Variants in GSDME observed in about 807,000 individuals in gnomAD.
GSDME encodes the protein gasdermin-E.
A neutral mutation model predicts 47.5 loss-of-function variants in GSDME; 44 were observed. The observed-to-expected ratio is 0.93, with a 90% CI of 0.73 to 1.19. GSDME has a LOEUF of 1.19. Among genes scored for constraint, GSDME ranks in the 50% most tolerant of loss-of-function variants. GSDME has a pLI of 0.00. For synonymous variants in GSDME, 258 were observed against 252.8 expected (o/e 1.02, Z -0.20); for missense variants, 663 against 604.2 (o/e 1.10, Z -1.02).
chr7:24,710,180 A>G, intron 6 of GSDME, 44 bp downstream of exon 6: 1 of 1,603,136 alleles, frequency 6.2e-7, no homozygotes, highest in South Asian at 1.1e-5. Context: ...TACAGGGCTC[A>G]GTTGGCCCTC....
rs1790503023 is a variant in GSDME at position 24,741,857 on chromosome 7, C to T, written c.404+2705G>A. Among the ~76,000 whole-genome samples, 4 of 152,166 alleles carry T rather than the reference C, an allele frequency of 2.6e-5. No homozygotes were observed. The South Asian group carries it at 8.3e-4, about 32-fold the overall frequency. ...AATGTTAGCTTTACTGAGCTCCATG[C>T]CAAGAGCAGAAGTCTTCCCTTCCCG... On this transcript the variant is annotated intron_variant, in intron 3 of 9. Transcript: ENST00000645220.
At chr7:24,761,264 A>G (rs1349955835), upstream of GSDME, among the ~76,000 whole-genome samples, 1 of 152,210 alleles carries the variant, frequency 6.6e-6, no homozygotes, top group African/African-American at 2.4e-5. The surrounding 1 kb of genome is among the most constrained non-coding windows in gnomAD (Gnocchi z 4.4). Context: ...GTCTTTGCCC[A>G]TTCGGTTTGC....
intron 9 of GSDME, among the ~76,000 whole-genome samples, chr7:24,701,658 T>A (rs1459082459): frequency 2.6e-5 from 4 of 152,224 alleles, no homozygotes; most frequent in African/African-American, 7.2e-5. Context: ...ACAATTAGAA[T>A]AATGGCACGT....
intron 1 of GSDME, among the ~76,000 whole-genome samples, chr7:24,756,000 C>T (rs903204050): frequency 6.6e-6 from 1 of 152,228 alleles, no homozygotes; most frequent in African/African-American, 2.4e-5. Flanking sequence ...ACAGAGGTGG[C>T]ATCTTTTATC....
intron 3 of GSDME, among the ~76,000 whole-genome samples, chr7:24,740,494 C>T (rs1790454171): frequency 6.6e-6 from 1 of 151,848 alleles, no homozygotes. Context: ...AATTGGATTG[C>T]TTGTAACACA....
the GSDME span, among the ~76,000 whole-genome samples, chr7:24,774,447 C>T: frequency 6.6e-6 from 1 of 151,626 alleles, no homozygotes; most frequent in African/African-American, 2.4e-5. Context: ...AATTTTGTGC[C>T]ACGTCTGGCT....
intron 3 of GSDME, among the ~76,000 whole-genome samples, chr7:24,723,001 C>T (rs1325170293): frequency 6.6e-6 from 1 of 152,318 alleles, no homozygotes; most frequent in East Asian, 1.9e-4. Flanking sequence ...ACAGCCACAG[C>T]TCATGCAGGC....
chr7:24,748,702 A>C (rs936852448), intron 2 of GSDME, among the ~76,000 whole-genome samples: 1 of 152,094 alleles, frequency 6.6e-6, no homozygotes, highest in South Asian at 2.1e-4. Flanking sequence ...ACATCTGGAC[A>C]AGCTGATAAG....
Position 24,754,459 on chromosome 7 carries a change from T to C in GSDME, c.-20+2937A>G, listed in dbSNP as rs1176498802. ...AAGATCCTGCCATTGCACTCCAGCC[T>C]GGGCAACAAGAGCGAAACTTTGTCT... is the stretch of plus-strand genomic sequence containing the variant. On this transcript the variant is annotated intron_variant, in intron 1 of 9. Transcript: ENST00000645220. The surrounding 1 kb of genome is among the most constrained non-coding windows in gnomAD (Gnocchi z 5.0). Among the ~76,000 whole-genome samples, 1 of 148,274 alleles carries C rather than the reference T, an allele frequency of 6.7e-6. No individual in the cohort carries two copies. Among genetic ancestry groups the C allele is most frequent in the African/African-American group, 2.5e-5 (1 of 39,664 alleles).
In GSDME at chr7:24,733,686, C is replaced by A. The variant is rs1790214643; in HGVS notation, c.404+10876G>T. On this transcript the variant is annotated intron_variant, in intron 3 of 9. Transcript: ENST00000645220. This position sits in a 1 kb window ranked among gnomAD's most constrained non-coding sequence, Gnocchi z 4.3. Reference sequence around the variant, plus strand: ...AGTGCTGGTGGACATGGGTGAGAGTCCTCTGCCTGGGGAAAGGAGAGGGAA... The same window carrying A: ...AGTGCTGGTGGACATGGGTGAGAGTACTCTGCCTGGGGAAAGGAGAGGGAA... Among the ~76,000 whole-genome samples, 1 of 152,094 alleles carries A rather than the reference C, an allele frequency of 6.6e-6. No individual in the cohort carries two copies. The highest frequency in any genetic ancestry group is 1.5e-5 in the Non-Finnish European group (1 of 68,016).
At chr7:24,723,754 A>T (rs1789874640) in intron 3 of GSDME, among the ~76,000 whole-genome samples, 1 of 152,214 alleles carries the variant, frequency 6.6e-6, no homozygotes, top group African/African-American at 2.4e-5. Context: ...CTTGGGCTGT[A>T]CTAGGAATTG....
At chr7:24,730,048 C>T (rs979243626) in intron 3 of GSDME, among the ~76,000 whole-genome samples, 5 of 152,328 alleles carry the variant, frequency 3.3e-5, no homozygotes, top group Non-Finnish European at 5.9e-5. Flanking sequence ...GAAGAAGGAG[C>T]TATGTCTGAT....
rs909480104 is a variant in GSDME at position 24,725,075 on chromosome 7, C to T, written c.405-5857G>A. Among the ~76,000 whole-genome samples the T allele has an allele frequency of 1.3e-5, 2 of 152,210 alleles. No individual in the cohort carries two copies. Among genetic ancestry groups the T allele is most frequent in the Admixed American group, 6.5e-5 (1 of 15,282 alleles). On this transcript the variant is annotated intron_variant, in intron 3 of 9. Transcript: ENST00000645220. The surrounding 1 kb of genome is among the most constrained non-coding windows in gnomAD (Gnocchi z 5.1). ...GGCACCATGCTTCCTGTACAGCCTG[C>T]AGAGCCATGAGCCAATTAAACCTCT...
At position 24,733,508 on chromosome 7, in the gene GSDME, A is replaced by G. The variant is rs1486171278; in HGVS notation, c.404+11054T>C. ...TCTGATTCCAGGTTGTGGCTCTTGG[A>G]TGGCATTTCTGGACCTACCCAGGCC... On this transcript the variant is annotated intron_variant, in intron 3 of 9. Coordinates refer to ENST00000645220, the MANE Select transcript of GSDME (RefSeq NM_001127453.2). The surrounding 1 kb of genome is among the most constrained non-coding windows in gnomAD (Gnocchi z 4.3). Among the ~76,000 whole-genome samples, 2 of 152,080 alleles carry G rather than the reference A, an allele frequency of 1.3e-5. No individual in the cohort carries two copies. Among genetic ancestry groups the G allele is most frequent in the African/African-American group, 4.8e-5 (2 of 41,390 alleles).
At position 24,705,989 on chromosome 7, in the gene GSDME, G is replaced by C. The variant is rs112318274; in HGVS notation, c.1183+195C>G. 1.4e-6 allele frequency: 1 copy of C among 696,394 alleles called. No individual in the cohort carries two copies. The highest frequency in any genetic ancestry group is 2.5e-6 in the Non-Finnish European group (1 of 401,882). The allele number at this position is 696,394 out of a possible 1,614,324, so 43.1% of individuals were successfully genotyped here. On this transcript the variant is annotated intron_variant, in intron 8 of 9. Transcript: ENST00000645220. The surrounding 1 kb of genome is among the most constrained non-coding windows in gnomAD (Gnocchi z 4.1). ...AGAGTAGGGAGGCTTGTGCTGGATGGAAAGGCACAGACTCGAGACCGAAGG... is the reference window on the plus strand; with the variant it reads ...AGAGTAGGGAGGCTTGTGCTGGATGCAAAGGCACAGACTCGAGACCGAAGG...
rs1790623183 is a variant in GSDME, at chr7:24,745,037, A to C, written c.212-283T>G. Reference sequence around the variant, plus strand: ...TGTGTGTGTGTGTGTGTGTGTGTGGACCACGGGCACACAGTGGACCAGTGA... The same window carrying C: ...TGTGTGTGTGTGTGTGTGTGTGTGGCCCACGGGCACACAGTGGACCAGTGA... On this transcript the variant is annotated intron_variant, in intron 2 of 9. Coordinates refer to ENST00000645220, the MANE Select transcript of GSDME (RefSeq NM_001127453.2). This position sits in a 1 kb window ranked among gnomAD's most constrained non-coding sequence, Gnocchi z 4.4. Among the ~76,000 whole-genome samples, 2 of 134,274 alleles carry C rather than the reference A, an allele frequency of 1.5e-5. No individual in the cohort carries two copies. Among genetic ancestry groups the C allele is most frequent in the Non-Finnish European group, 3.2e-5 (2 of 62,012 alleles). The allele number at this position is 134,274 out of a possible 152,430, so 88.1% of individuals were successfully genotyped here. A position where few individuals can be genotyped will look rare whatever the true frequency, so the allele number is the denominator to read the frequency against.
upstream of GSDME, among the ~76,000 whole-genome samples, chr7:24,758,753 C>CT (rs1402992881): frequency 2.0e-5 from 3 of 152,178 alleles, no homozygotes; most frequent in African/African-American, 7.2e-5. The surrounding 1 kb of genome is among the most constrained non-coding windows in gnomAD (Gnocchi z 4.6). Flanking sequence ...ACGGGAACAC[C>CT]TCCTAGTTCC....
Position 24,744,817 on chromosome 7 carries a change from C to T in GSDME, c.212-63G>A, listed in dbSNP as rs1790600909. ...ATAAGGCCACCAAGATGTCTTGGGT[C>T]ATTTAGCTTTCCAAGCCTGTGCAGA... On this transcript the variant is annotated intron_variant, in intron 2 of 9. Coordinates refer to ENST00000645220, the MANE Select transcript of GSDME (RefSeq NM_001127453.2). This position sits in a 1 kb window ranked among gnomAD's most constrained non-coding sequence, Gnocchi z 4.5. 9 of 1,570,890 alleles carry T rather than the reference C, an allele frequency of 5.7e-6. No individual in the cohort carries two copies. In the East Asian group the frequency reaches 1.8e-4, roughly 31 times the overall value.
At chr7:24,774,155 C>T in the GSDME span, among the ~76,000 whole-genome samples, 4 of 152,302 alleles carry the variant, frequency 2.6e-5, no homozygotes, top group Middle Eastern at 3.4e-3. Flanking sequence ...CCAAAGAAGT[C>T]ATCTCTTTCC....
Sources: allele counts gnomAD v4.1 joint callset (sites outside exome capture counted in the v4.1 genomes callset), GRCh38; gene constraint gnomAD v4.1.1; non-coding constraint Gnocchi (gnomAD v3.1); transcripts MANE v1.5; gene names NCBI Gene and HGNC (gene_info 2026-07-23, HGNC 2026-07-21).